Variants in SPAG16 observed in about 807,000 individuals in gnomAD.
SPAG16 encodes sperm-associated antigen 16 protein.
A neutral mutation model predicts 80.4 loss-of-function variants in SPAG16; 86 were observed. The ratio of observed to expected loss-of-function variants is 1.07; its 90% CI spans 0.90 to 1.28. The LOEUF is 1.28. Ranked by LOEUF, SPAG16 falls within the 50% of genes most tolerant of loss-of-function variation. The probability of loss-of-function intolerance (pLI) is 0.00; values close to 1 mark genes in which losing one functional copy is unlikely to be tolerated. For synonymous variants in SPAG16, 294 were observed against 265.9 expected, an observed-to-expected ratio of 1.11 and a Z score of -1.03; for missense variants, 870 against 765.3, an observed-to-expected ratio of 1.14 and a Z score of -1.61.
intron 10 of SPAG16, among the ~76,000 whole-genome samples, chr2:213,589,156 A>C (rs185069890): frequency 1.3e-5 from 2 of 152,324 alleles, no homozygotes; most frequent in Admixed American, 6.5e-5. Flanking sequence ...GAATGCTTAC[A>C]TGCTTATGTT....
intron 13 of SPAG16, among the ~76,000 whole-genome samples, chr2:214,031,046 T>C (rs943690179): frequency 2.0e-4 from 30 of 152,304 alleles, no homozygotes; most frequent in Admixed American, 2.6e-4. Flanking sequence ...TTCCAGTTTT[T>C]CTGCTCTGTT....
At chr2:213,812,493 A>G (rs1432434450) in intron 10 of SPAG16, among the ~76,000 whole-genome samples, 1 of 152,226 alleles carries the variant, frequency 6.6e-6, no homozygotes, top group African/African-American at 2.4e-5. Flanking sequence ...AAAAGTGATT[A>G]GAATTGAGTT....
chr2:213,666,092 A>G (rs2063590093), intron 10 of SPAG16, among the ~76,000 whole-genome samples: 1 of 152,196 alleles, frequency 6.6e-6, no homozygotes, highest in Non-Finnish European at 1.5e-5. Context: ...TGAGTGGGCA[A>G]TTCATAAATG....
At chr2:214,001,930 T>A (rs2046806667) in intron 12 of SPAG16, among the ~76,000 whole-genome samples, 1 of 151,770 alleles carries the variant, frequency 6.6e-6, no homozygotes, top group Admixed American at 6.6e-5. Flanking sequence ...GAAAAAGAGG[T>A]TTAATGGACT....
At chr2:213,476,603 C>G (rs767079850) in intron 9 of SPAG16, among the ~76,000 whole-genome samples, 6 of 152,322 alleles carry the variant, frequency 3.9e-5, no homozygotes, top group Non-Finnish European at 8.8e-5. Context: ...TAGGTCCACT[C>G]TTACTCAAAC....
intron 10 of SPAG16, among the ~76,000 whole-genome samples, chr2:213,657,689 A>T (rs1250859757): frequency 6.6e-6 from 1 of 152,196 alleles, no homozygotes; most frequent in African/African-American, 2.4e-5. Context: ...ACAGAAAGGA[A>T]GATAATCATC....
At chr2:214,366,256 G>A (rs185101137) in intron 15 of SPAG16, among the ~76,000 whole-genome samples, 3 of 152,284 alleles carry the variant, frequency 2.0e-5, no homozygotes, top group Admixed American at 1.3e-4. Flanking sequence ...GATTGCAGGT[G>A]TGAGCCACTG....
At chr2:213,634,879 C>T (rs762551961) in intron 10 of SPAG16, among the ~76,000 whole-genome samples, 9 of 152,046 alleles carry the variant, frequency 5.9e-5, no homozygotes, top group Non-Finnish European at 8.8e-5. Context: ...TGAGTAACTT[C>T]ACTTGGAATA....
At chr2:213,436,635 T>A (rs751589205) in intron 9 of SPAG16, among the ~76,000 whole-genome samples, 60 of 152,174 alleles carry the variant, frequency 3.9e-4, no homozygotes, top group Non-Finnish European at 7.4e-4. Flanking sequence ...ACCTTATAAT[T>A]GTATATATTT....
At chr2:214,182,146 C>CAT (rs1185141894) in intron 15 of SPAG16, among the ~76,000 whole-genome samples, 5 of 151,244 alleles carry the variant, frequency 3.3e-5, no homozygotes, top group Admixed American at 6.6e-5. Context: ...AATATATATA[C>CAT]ATATATATAT....
At chr2:213,765,216 A>G (rs2068870039) in intron 10 of SPAG16, among the ~76,000 whole-genome samples, 2 of 152,112 alleles carry the variant, frequency 1.3e-5, no homozygotes, top group Non-Finnish European at 2.9e-5. Flanking sequence ...TAAAAATACA[A>G]AAATTAGCTG....
At chr2:214,297,987 A>T (rs529408518) in intron 15 of SPAG16, among the ~76,000 whole-genome samples, 1 of 150,826 alleles carries the variant, frequency 6.6e-6, no homozygotes, top group East Asian at 1.9e-4. Context: ...ATGTTTTTCT[A>T]TTTGTTTGTG....
intron 12 of SPAG16, among the ~76,000 whole-genome samples, chr2:213,986,345 A>G (rs2046000663): frequency 6.6e-6 from 1 of 151,974 alleles, no homozygotes; most frequent in South Asian, 2.1e-4. Context: ...GTTTTTTTCT[A>G]TGTCATGTAT....
chr2:213,838,913 G>A (rs911716170), intron 10 of SPAG16, among the ~76,000 whole-genome samples: 1 of 152,202 alleles, frequency 6.6e-6, no homozygotes, highest in Admixed American at 6.5e-5. Context: ...ATTGTGGTTT[G>A]ATCAGTTGCA....
intron 10 of SPAG16, among the ~76,000 whole-genome samples, chr2:213,739,206 C>T (rs2067429093): frequency 6.6e-6 from 1 of 152,166 alleles, no homozygotes; most frequent in South Asian, 2.1e-4. Context: ...CCCACGTAGC[C>T]TCAGTAGGAT....
At chr2:213,610,701 A>T (rs1250962692) in intron 10 of SPAG16, among the ~76,000 whole-genome samples, 1 of 152,188 alleles carries the variant, frequency 6.6e-6, no homozygotes, top group Non-Finnish European at 1.5e-5. Flanking sequence ...TCCATAGACA[A>T]AGTAGGACAT....
chr2:213,741,190 A>G (rs1171891758), intron 10 of SPAG16, among the ~76,000 whole-genome samples: 1 of 152,220 alleles, frequency 6.6e-6, no homozygotes, highest in Non-Finnish European at 1.5e-5. Context: ...TCTGAATAAA[A>G]TAAAAAATAC....
chr2:213,645,193 G>A (rs2062777022), intron 10 of SPAG16, among the ~76,000 whole-genome samples: 1 of 152,112 alleles, frequency 6.6e-6, no homozygotes, highest in African/African-American at 2.4e-5. Context: ...AGGCCCAAGG[G>A]CTCTTAAGGC....
intron 15 of SPAG16, chr2:214,238,983 G>C (rs1689272587): frequency 6.6e-6 from 1 of 152,136 alleles, no homozygotes; most frequent in Non-Finnish European, 1.5e-5. Flanking sequence ...TTCTGAAATA[G>C]TTACTTGCAG....
Sources: gnomAD v4.1 joint callset for allele counts (sites outside exome capture counted in the v4.1 genomes callset) on GRCh38, gnomAD v4.1.1 for gene constraint, MANE v1.5 for transcripts, NCBI Gene and HGNC (gene_info 2026-07-23, HGNC 2026-07-21) for gene names.